The following DIABLO variants were observed in gnomAD, a reference collection of about 807,000 sequenced individuals.
DIABLO encodes diablo homolog, mitochondrial.
Under a neutral mutation model 31.7 loss-of-function variants are expected in DIABLO, and 32 were observed. The observed-to-expected ratio is 1.01, with a 90% CI of 0.76 to 1.35. DIABLO has a LOEUF of 1.35. DIABLO is among the 40% of genes most tolerant of loss of function. The pLI, the probability that DIABLO is intolerant of heterozygous loss-of-function variation, is 0.00. For missense variants in DIABLO, 316 were observed against 286.4 expected (o/e 1.10, Z -0.75); for synonymous variants, 132 against 103.2 (o/e 1.28, Z -1.69).
chr12:122,207,711 TAC>T lies in DIABLO; in HGVS notation c.*668_*669del. 1.8e-6 allele frequency: 1 copy of T among 546,186 alleles called. No individual in the cohort carries two copies. The allele number at this position is 546,186 out of a possible 1,614,324, so 33.8% of individuals were successfully genotyped here. On this transcript the variant is annotated 3_prime_UTR_variant, in exon 6 of 6. Coordinates refer to ENST00000464942, the MANE Select transcript of DIABLO (RefSeq NM_001371333.1). ...TCTCTTTCAGATGCAAACAAAATCT[TAC>T]ACTCTTCTCCTTTGGATACAATAGA...
rs575840970 is a variant in DIABLO at position 122,208,216 on chromosome 12, A to T, written c.*165T>A. On this transcript the variant is annotated 3_prime_UTR_variant, in exon 6 of 6. Coordinates refer to ENST00000464942, the MANE Select transcript of DIABLO (RefSeq NM_001371333.1). ...GAACCAGGTCCAGCGCAAGCCTGAG[A>T]CCACAGGAGGCACTCACAGCTCACA... The T allele has an allele frequency of 3.1e-5, 25 of 801,572 alleles. No individual in the cohort carries two copies. The highest frequency in any genetic ancestry group is 3.4e-4 in the Middle Eastern group (1 of 2,944). 49.7% of individuals were successfully genotyped at this position (801,572 alleles called of 1,614,324 possible). A position where few individuals can be genotyped will look rare whatever the true frequency, so the allele number is the denominator to read the frequency against.
chr12:122,226,480 CG>C, upstream of DIABLO: 1 of 698,612 alleles, frequency 1.4e-6, no homozygotes, highest in Non-Finnish European at 2.6e-6. Context: ...AGCAGCGCCC[CG>C]ATGAGCACCG....
intron 5 of DIABLO, among the ~76,000 whole-genome samples, chr12:122,214,565 A>G (rs12310939): frequency 0.064 from 9,676 of 152,058 alleles, 802 homozygotes; most frequent in African/African-American, 0.19. Context: ...AGCTGGGACT[A>G]CAGGCGAGCG....
Position 122,208,479 on chromosome 12 carries a change from G to A in DIABLO, c.622C>T (p.Leu208=). Residue 208 remains leucine, a synonymous_variant, in exon 6 of 6, where the codon CTG becomes TTG. Transcript: ENST00000464942. ...AGCTCTTCTATCTGTGCTTCTGCCAGCTTGGTTTCTGCTTTCCGGGAGAGC... is the reference window on the plus strand; with the variant it reads ...AGCTCTTCTATCTGTGCTTCTGCCAACTTGGTTTCTGCTTTCCGGGAGAGC... ...HQLSRKAETK[L]AEAQIEELRQ... The A allele has an allele frequency of 6.2e-7, 1 of 1,614,164 alleles. No homozygotes were observed. The highest frequency in any genetic ancestry group is 2.2e-5 in the East Asian group (1 of 44,890).
chr12:122,224,397 G>A (rs1954400259), intron 2 of DIABLO, 115 bp downstream of exon 2: 2 of 1,497,300 alleles, frequency 1.3e-6, no homozygotes, highest in Non-Finnish European at 1.9e-6. Flanking sequence ...GTACTGTGGG[G>A]GAAGGGATGG....
intron 2 of DIABLO, chr12:122,218,663 G>A (rs1447850467): frequency 2.1e-5 from 9 of 421,320 alleles, no homozygotes; most frequent in Non-Finnish European, 2.7e-5. Flanking sequence ...AAATTGTGGC[G>A]GGGTACGGTG....
chr12:122,227,307 C>T (rs763760599), upstream of DIABLO: 54 of 444,522 alleles, frequency 1.2e-4, no homozygotes, highest in Admixed American at 2.4e-5. Flanking sequence ...TGCCCAGCCA[C>T]TCCCCACAGT....
At chr12:122,219,405 A>G (rs1954286474) in intron 2 of DIABLO, among the ~76,000 whole-genome samples, 1 of 152,196 alleles carries the variant, frequency 6.6e-6, no homozygotes, top group Non-Finnish European at 1.5e-5. Context: ...ATGATGGGCT[A>G]ACAGAACTAG....
At chr12:122,224,014 G>A (rs1160076196) in intron 2 of DIABLO, among the ~76,000 whole-genome samples, 1 of 152,072 alleles carries the variant, frequency 6.6e-6, no homozygotes, top group Non-Finnish European at 1.5e-5. Flanking sequence ...TGACTAGGCT[G>A]GTCTCAAACT....
upstream of DIABLO, chr12:122,226,445 GAAGT>G (rs1954481150): frequency 1.4e-6 from 1 of 698,942 alleles, no homozygotes; most frequent in Non-Finnish European, 2.6e-6. Context: ...TCAGCACCAG[GAAGT>G]AAGTGGTCCA....
chr12:122,217,878 C>T (rs913867867), intron 3 of DIABLO: 6 of 241,720 alleles, frequency 2.5e-5, no homozygotes, highest in Non-Finnish European at 3.3e-5. Context: ...CCTCACAGAG[C>T]AACCTCTGTT....
At chr12:122,217,022 G>T in intron 3 of DIABLO, 153 bp from the exon 4 acceptor site, 1 of 666,852 alleles carries the variant, frequency 1.5e-6, no homozygotes, top group Admixed American at 2.2e-5. Flanking sequence ...ATCCTATGAA[G>T]TAAAGGTATC....
At chr12:122,217,162 A>T (rs1039686356) in intron 3 of DIABLO, 2 of 377,948 alleles carry the variant, frequency 5.3e-6, no homozygotes, top group African/African-American at 2.1e-5. Flanking sequence ...TGGAAAATAT[A>T]TGTAAAACAA....
intron 5 of DIABLO, among the ~76,000 whole-genome samples, chr12:122,209,204 C>T (rs1416560837): frequency 1.3e-5 from 2 of 150,198 alleles, no homozygotes; most frequent in African/African-American, 2.4e-5. Context: ...ACCAAAAATA[C>T]AAAAAAAAAT....
At chr12:122,225,855 G>T (rs924282788) in intron 1 of DIABLO, 110 bp downstream of exon 1, 8 of 1,532,358 alleles carry the variant, frequency 5.2e-6, no homozygotes, top group Non-Finnish European at 7.0e-6. Flanking sequence ...CCAGCTGGGC[G>T]GACGAGAGAT....
chr12:122,226,029 A>G lies in DIABLO; in HGVS notation c.-15T>C, dbSNP rs770137089. 6 of 1,600,296 alleles carry G rather than the reference A, an allele frequency of 3.7e-6. No homozygotes were observed. The highest frequency in any genetic ancestry group is 5.1e-6 in the Non-Finnish European group (6 of 1,175,022). ...AGAGCCGCCATTGTGCAGCGCGCGG[A>G]CGCCAGACGCACACGCCGGAAGTGA... On this transcript the variant is annotated 5_prime_UTR_variant, in exon 1 of 6. Transcript: ENST00000464942.
chr12:122,222,626 G>A (rs1322884518), intron 2 of DIABLO: 1 of 151,558 alleles, frequency 6.6e-6, no homozygotes, highest in African/African-American at 2.4e-5. Flanking sequence ...CCCAACGTTT[G>A]TGGCACCAGG....
In DIABLO at chr12:122,208,038, A is replaced by G. The variant is rs1953969349; in HGVS notation, c.*343T>C. 1 of 533,338 alleles carries G rather than the reference A, an allele frequency of 1.9e-6. No homozygotes were observed. The highest frequency in any genetic ancestry group is 1.9e-5 in the African/African-American group (1 of 52,770). The allele number at this position is 533,338 out of a possible 1,614,324, so 33.0% of individuals were successfully genotyped here. ...ACGTAAATAAGACTGAAAACAGGTT[A>G]AACAGTTGCTGAACTTAAGGGCATG... On this transcript the variant is annotated 3_prime_UTR_variant, in exon 6 of 6. Transcript: ENST00000464942.
In DIABLO at chr12:122,224,584, TTC is replaced by T. The variant is rs1251438072; in HGVS notation, c.109_110del (p.Glu37IlefsTer32). 6.2e-7 allele frequency: 1 copy of T among 1,613,958 alleles called. No individual in the cohort carries two copies. The highest frequency in any genetic ancestry group is 8.5e-7 in the Non-Finnish European group (1 of 1,180,026). ...CAGTTTTGTGCCATGGTCTTATCAA[TTC>T]TGAGAAACACCGCTTCTTAAAGTTA... ...VANFKKRCFS[E>X]LIRPWHKTVT... On this transcript the variant is annotated frameshift_variant, in exon 2 of 6. Coordinates refer to ENST00000464942, the MANE Select transcript of DIABLO (RefSeq NM_001371333.1). LOFTEE classifies it high-confidence loss of function.
Sources: gnomAD v4.1 joint callset for allele counts (sites outside exome capture counted in the v4.1 genomes callset) on GRCh38, gnomAD v4.1.1 for gene constraint, MANE v1.5 for transcripts, NCBI Gene and HGNC (gene_info 2026-07-23, HGNC 2026-07-21) for gene names.